SLC11A2: variants seen among roughly 807,000 people sequenced by gnomAD.
The protein encoded by SLC11A2 is solute carrier family 11 member 2.
SLC11A2 carries 38 observed loss-of-function variants against 68.0 expected under a neutral mutation model. That is an observed-to-expected ratio of 0.56 (90% CI 0.43 to 0.73). The LOEUF (loss-of-function observed/expected upper bound fraction) is 0.73. Among genes scored for constraint, SLC11A2 ranks in the 30% least tolerant of loss-of-function variants. The pLI is 0.00. For missense variants in SLC11A2, 517 were observed against 690.5 expected (o/e 0.75, Z 2.82); for synonymous variants, 242 against 250.6 (o/e 0.97, Z 0.32).
chr12:51,001,373 TGG>T (rs1942210156), intron 5 of SLC11A2, among the ~76,000 whole-genome samples: 2 of 151,528 alleles, frequency 1.3e-5, no homozygotes, highest in Admixed American at 1.3e-4. Flanking sequence ...CAACAGACAC[TGG>T]GGTCTACTTG....
chr12:51,003,767 A>C (rs1942482603), intron 5 of SLC11A2, among the ~76,000 whole-genome samples: 1 of 148,916 alleles, frequency 6.7e-6, no homozygotes, highest in Non-Finnish European at 1.5e-5. Flanking sequence ...ATCTCCACAA[A>C]AAAAAAAAAA....
At chr12:50,955,517 T>G in the SLC11A2 span, among the ~76,000 whole-genome samples, 1 of 152,204 alleles carries the variant, frequency 6.6e-6, no homozygotes, top group Non-Finnish European at 1.5e-5. Flanking sequence ...TAAAATAGTT[T>G]ACTTAAATCA....
At chr12:50,969,162 C>T in the SLC11A2 span, among the ~76,000 whole-genome samples, 2 of 151,324 alleles carry the variant, frequency 1.3e-5, no homozygotes, top group African/African-American at 4.9e-5. Flanking sequence ...GGTGTGGTGG[C>T]GCACACCTAT....
chr12:51,009,234 G>T, intron 2 of SLC11A2: 1 of 1,411,240 alleles, frequency 7.1e-7, no homozygotes, highest in South Asian at 1.7e-5. Context: ...CACCAAGCAG[G>T]AACCCTTTGT....
At chr12:50,989,360 A>G (rs566706641) in intron 15 of SLC11A2, among the ~76,000 whole-genome samples, 1 of 152,280 alleles carries the variant, frequency 6.6e-6, no homozygotes, top group African/African-American at 2.4e-5. Context: ...CATGGTTAGC[A>G]CATGGCTGTA....
chr12:50,966,060 T>C, the SLC11A2 span, among the ~76,000 whole-genome samples: 1 of 152,238 alleles, frequency 6.6e-6, no homozygotes, highest in African/African-American at 2.4e-5. Context: ...AAGATCTCTG[T>C]GGCTTACTTA....
chr12:51,005,243 A>C, intron 4 of SLC11A2, 68 bp downstream of exon 4: 4 of 1,543,116 alleles, frequency 2.6e-6, no homozygotes, highest in Non-Finnish European at 3.6e-6. Flanking sequence ...TCCAACATGC[A>C]GGGTGGAGAA....
At chr12:50,960,270 C>T in the SLC11A2 span, among the ~76,000 whole-genome samples, 1 of 152,312 alleles carries the variant, frequency 6.6e-6, no homozygotes, top group Middle Eastern at 3.4e-3. Flanking sequence ...TCTCACTCTA[C>T]TGGGTTTACT....
Position 50,986,315 on chromosome 12 carries a change from T to C in SLC11A2, c.*2010A>G, listed in dbSNP as rs1565977695. ...ATATTATTTATTGCACCCAGAGTAC[T>C]GGTTAAAATGCACTTTCTGTGAAGA... is the stretch of plus-strand genomic sequence containing the variant. On this transcript the variant is annotated 3_prime_UTR_variant, in exon 16 of 16. Coordinates refer to ENST00000262052, the MANE Select transcript of SLC11A2 (RefSeq NM_000617.3). The C allele has an allele frequency of 1.6e-6, 2 of 1,286,324 alleles. No individual in the cohort carries two copies. The highest frequency in any genetic ancestry group is 2.0e-6 in the Non-Finnish European group (2 of 987,822). 79.7% of individuals were successfully genotyped at this position (1,286,324 alleles called of 1,614,324 possible). A position where few individuals can be genotyped will look rare whatever the true frequency, so the allele number is the denominator to read the frequency against.
intron 1 of SLC11A2, among the ~76,000 whole-genome samples, chr12:51,024,059 G>A (rs767835593): frequency 2.2e-4 from 33 of 152,094 alleles, no homozygotes; most frequent in Non-Finnish European, 4.4e-4. Flanking sequence ...TATACCAACT[G>A]CACTTCAACT....
At chr12:50,970,606 C>A in the SLC11A2 span, 1 of 711,266 alleles carries the variant, frequency 1.4e-6, no homozygotes, top group South Asian at 1.6e-5. Context: ...ACACAAGTGT[C>A]ACAGAATGCT....
the SLC11A2 span, among the ~76,000 whole-genome samples, chr12:50,970,866 CTTTTCTTTA>C: frequency 6.8e-6 from 1 of 147,886 alleles, no homozygotes; most frequent in Non-Finnish European, 1.5e-5. Context: ...GAAGACTTCT[CTTTTCTTTA>C]TTTTATTTTA....
the SLC11A2 span, among the ~76,000 whole-genome samples, chr12:50,957,456 C>T: frequency 1.3e-5 from 2 of 151,918 alleles, no homozygotes; most frequent in East Asian, 3.9e-4. Flanking sequence ...GTCTCAGCCT[C>T]CCAAAGTGCT....
chr12:51,028,696 C>T (rs1300627462), upstream of SLC11A2: 1 of 155,430 alleles, frequency 6.4e-6, no homozygotes, highest in African/African-American at 2.4e-5. Context: ...TGACAGTGCA[C>T]TTGTATTTTC....
intron 1 of SLC11A2, among the ~76,000 whole-genome samples, chr12:51,017,085 CAA>C (rs1445985205): frequency 6.6e-6 from 1 of 150,890 alleles, no homozygotes; most frequent in African/African-American, 2.4e-5. Context: ...TCTAAAATTT[CAA>C]AAGTCTACAT....
At chr12:50,958,750 C>T in the SLC11A2 span, among the ~76,000 whole-genome samples, 3 of 151,692 alleles carry the variant, frequency 2.0e-5, no homozygotes, top group African/African-American at 2.4e-5. Context: ...GGCACAGTGG[C>T]TTACGCCTGT....
chr12:50,992,701 C>G (rs1329668336), intron 12 of SLC11A2, 109 bp downstream of exon 12: 1 of 1,223,476 alleles, frequency 8.2e-7, no homozygotes, highest in East Asian at 2.4e-5. Context: ...CATTACACTC[C>G]AACTTGGGCG....
At chr12:50,979,929 A>C (rs748116430), downstream of SLC11A2, 2 of 454,124 alleles carry the variant, frequency 4.4e-6, no homozygotes, top group South Asian at 3.1e-5. Context: ...TGGGGCTAGA[A>C]AGAAATGAGG....
chr12:50,997,025 A>G, intron 8 of SLC11A2, 53 bp from the exon 9 acceptor site: 2 of 1,415,622 alleles, frequency 1.4e-6, no homozygotes, highest in South Asian at 2.3e-5. Context: ...AAACGGGAGT[A>G]ACATAGTACC....
Sources: gnomAD v4.1 joint callset for allele counts (sites outside exome capture counted in the v4.1 genomes callset) on GRCh38, gnomAD v4.1.1 for gene constraint, MANE v1.5 for transcripts, NCBI Gene and HGNC (gene_info 2026-07-23, HGNC 2026-07-21) for gene names.